The following ALKBH3 variants were observed in gnomAD, a reference collection of about 807,000 sequenced individuals.
ALKBH3 encodes the protein alkB homolog 3, alpha-ketoglutarate dependent dioxygenase.
Under a neutral mutation model 43.9 loss-of-function variants are expected in ALKBH3, and 51 were observed. The ratio of observed to expected loss-of-function variants is 1.16; its 90% CI spans 0.93 to 1.47. ALKBH3 has a LOEUF of 1.47. Ranked by LOEUF, ALKBH3 falls within the 40% of genes most tolerant of loss-of-function variation. The probability of loss-of-function intolerance (pLI) is 0.00; values close to 1 mark genes in which losing one functional copy is unlikely to be tolerated. For synonymous variants in ALKBH3, 102 were observed against 115.2 expected (o/e 0.89, Z 0.73); for missense variants, 361 against 351.9 (o/e 1.03, Z -0.21).
intron 7 of ALKBH3, chr11:43,897,260 A>T (rs751692480): frequency 3.7e-5 from 21 of 566,396 alleles, no homozygotes; most frequent in Admixed American, 1.5e-4. Flanking sequence ...TGCTCCGCAG[A>T]GCTGCTGGTA....
rs376593568 is a variant in ALKBH3 at position 43,901,435 on chromosome 11, T to G, written c.460-81T>G. 7.7e-6 allele frequency: 12 copies of G among 1,554,122 alleles called. No homozygotes were observed. The African/African-American group carries it at 8.1e-5, about 11-fold the overall frequency. ...GGTTATAACTTGGCTGATTTTGCCC[T>G]TTCTTTTCTGTTTTTCCATGCGGCT... On this transcript the variant is annotated intron_variant, in intron 7 of 9. Transcript: ENST00000302708.
intron 8 of ALKBH3, among the ~76,000 whole-genome samples, chr11:43,908,811 A>C (rs916845967): frequency 6.6e-6 from 1 of 152,230 alleles, no homozygotes; most frequent in Admixed American, 6.5e-5. Flanking sequence ...GCAGTCCAGA[A>C]GGAAAGGCAG....
intron 7 of ALKBH3, chr11:43,899,717 A>C: frequency 3.3e-6 from 1 of 300,508 alleles, no homozygotes; most frequent in Non-Finnish European, 6.3e-6. Context: ...ATTTCATCCC[A>C]AAACTATCTT....
At chr11:43,918,579 T>A (rs1225299462) in intron 8 of ALKBH3, among the ~76,000 whole-genome samples, 2 of 152,218 alleles carry the variant, frequency 1.3e-5, no homozygotes, top group South Asian at 2.1e-4. Flanking sequence ...AGTCATCGCA[T>A]CAAATCTTGG....
chr11:43,899,144 A>AC (rs1951842243), intron 7 of ALKBH3: 7 of 780,130 alleles, frequency 9.0e-6, no homozygotes. Flanking sequence ...CGCCACAGCC[A>AC]CCCAAAAAGG....
intron 8 of ALKBH3, among the ~76,000 whole-genome samples, chr11:43,902,927 A>G (rs11037725): frequency 0.24 from 36,091 of 152,198 alleles, 4,784 homozygotes; most frequent in Admixed American, 0.4. Context: ...CCTAAGCCAG[A>G]CCACATCATT....
intron 8 of ALKBH3, among the ~76,000 whole-genome samples, chr11:43,914,831 C>A (rs1251442735): frequency 6.6e-6 from 1 of 152,010 alleles, no homozygotes; most frequent in African/African-American, 2.4e-5. Context: ...TTAACACCCC[C>A]ATAGAACAAT....
chr11:43,894,723 C>T (rs1460791144), intron 7 of ALKBH3, among the ~76,000 whole-genome samples: 1 of 152,158 alleles, frequency 6.6e-6, no homozygotes, highest in Admixed American at 6.6e-5. Context: ...AGCATCTGAT[C>T]TTTATCGCTA....
At chr11:43,885,317 C>T (rs183401913) in intron 4 of ALKBH3, among the ~76,000 whole-genome samples, 2 of 152,198 alleles carry the variant, frequency 1.3e-5, no homozygotes, top group Non-Finnish European at 2.9e-5. Context: ...TGAATGTGGG[C>T]CAAAAATACA....
intron 8 of ALKBH3, 54 bp downstream of exon 8, chr11:43,901,779 AAGT>A (rs1252460394): frequency 1.3e-6 from 2 of 1,584,504 alleles, no homozygotes; most frequent in Non-Finnish European, 1.7e-6. Context: ...TCTGTGGAAA[AAGT>A]AGAACTCCTA....
intron 7 of ALKBH3, chr11:43,897,786 G>GA: frequency 1.2e-6 from 1 of 825,146 alleles, no homozygotes; most frequent in Non-Finnish European, 2.2e-6. Flanking sequence ...CGTTCACCCT[G>GA]AAAATGAAGA....
intron 7 of ALKBH3, chr11:43,899,636 C>G: frequency 2.1e-6 from 1 of 475,974 alleles, no homozygotes; most frequent in Non-Finnish European, 3.9e-6. Context: ...ACCCTCCCGC[C>G]GAGCAGAGAC....
intron 6 of ALKBH3, among the ~76,000 whole-genome samples, chr11:43,891,835 G>GCT (rs1202655801): frequency 6.6e-6 from 1 of 152,198 alleles, no homozygotes; most frequent in Non-Finnish European, 1.5e-5. Context: ...CTTTGCCCAT[G>GCT]TGGTGTCTGC....
At chr11:43,905,083 T>C (rs1265170831) in intron 8 of ALKBH3, among the ~76,000 whole-genome samples, 1 of 152,250 alleles carries the variant, frequency 6.6e-6, no homozygotes, top group East Asian at 1.9e-4. Context: ...TCATGAGATT[T>C]CCTGCACTTT....
intron 8 of ALKBH3, 39 bp downstream of exon 8, chr11:43,901,764 A>G (rs947499791): frequency 1.2e-6 from 2 of 1,603,696 alleles, no homozygotes; most frequent in Non-Finnish European, 1.7e-6. Flanking sequence ...CCTGCCTCTT[A>G]TTAGTCTGTG....
At chr11:43,898,265 A>T (rs1453553052) in intron 7 of ALKBH3, 1 of 779,908 alleles carries the variant, frequency 1.3e-6, no homozygotes, top group African/African-American at 1.7e-5. Flanking sequence ...AAAGATGAGC[A>T]TATTCTTCAG....
At chr11:43,916,246 A>T (rs1248932736) in intron 8 of ALKBH3, among the ~76,000 whole-genome samples, 1 of 152,204 alleles carries the variant, frequency 6.6e-6, no homozygotes, top group African/African-American at 2.4e-5. Flanking sequence ...CCCAAATAGC[A>T]TTTTCTTAAA....
chr11:43,908,559 AT>A (rs1951913020), intron 8 of ALKBH3, among the ~76,000 whole-genome samples: 2 of 151,944 alleles, frequency 1.3e-5, no homozygotes, highest in South Asian at 4.1e-4. Flanking sequence ...TTTAAGTTGC[AT>A]TTTTTGGAAA....
chr11:43,895,353 A>C (rs1220453316), intron 7 of ALKBH3, among the ~76,000 whole-genome samples: 1 of 152,176 alleles, frequency 6.6e-6, no homozygotes, highest in Non-Finnish European at 1.5e-5. Context: ...AATAAGTCTC[A>C]TGAGATCTGA....
Sources: allele counts gnomAD v4.1 joint callset (sites outside exome capture counted in the v4.1 genomes callset), GRCh38; gene constraint gnomAD v4.1.1; transcripts MANE v1.5; gene names NCBI Gene and HGNC (gene_info 2026-07-23, HGNC 2026-07-21).